The following CFAP54 variants were observed in gnomAD, a reference collection of about 807,000 sequenced individuals.
CFAP54 encodes cilia and flagella associated protein 54, also known as cilia- and flagella-associated protein 54.
CFAP54 carries 290 observed loss-of-function variants against 370.4 expected under a neutral mutation model. The ratio of observed to expected loss-of-function variants is 0.78; its 90% CI spans 0.71 to 0.86. CFAP54 has a LOEUF of 0.86. Ranked by LOEUF, CFAP54 falls within the 40% of genes least tolerant of loss-of-function variation. The pLI is 0.00. For missense variants in CFAP54, 3,399 were observed against 3,528.7 expected (o/e 0.96, Z 0.93); for synonymous variants, 1,206 against 1,236.5 (o/e 0.98, Z 0.52).
chr12:96,550,866 A>G (rs570137130), intron 15 of CFAP54, among the ~76,000 whole-genome samples: 68 of 152,338 alleles, frequency 4.5e-4, no homozygotes, highest in Non-Finnish European at 8.7e-4. Flanking sequence ...ACCACCATCC[A>G]GGGACAAGAG....
rs148684809 is a variant in CFAP54 at position 96,586,691 on chromosome 12, G to A, written c.3076-2736G>A. Among the ~76,000 whole-genome samples the A allele has an allele frequency of 2.3e-4, 35 of 152,312 alleles. No homozygotes were observed. The East Asian group carries it at 6.0e-3, about 26-fold the overall frequency. ...AAAAGGGACAGGTCAAAGAGCTAAG[G>A]TGTGAGTGGGTAGATGGGGAGCAGA... On this transcript the variant is annotated intron_variant, in intron 22 of 67. Coordinates refer to ENST00000524981, the MANE Select transcript of CFAP54 (RefSeq NM_001306084.2).
At chr12:96,730,673 A>G (rs997781769) in intron 50 of CFAP54, among the ~76,000 whole-genome samples, 4 of 152,198 alleles carry the variant, frequency 2.6e-5, no homozygotes, top group African/African-American at 9.6e-5. Flanking sequence ...TCAAATTGAA[A>G]TTTGGAAGAG....
chr12:96,680,573 C>T (rs1957258264), intron 40 of CFAP54, among the ~76,000 whole-genome samples: 1 of 152,110 alleles, frequency 6.6e-6, no homozygotes, highest in Non-Finnish European at 1.5e-5. Flanking sequence ...CTAATTTCCA[C>T]TGAAATGATC....
intron 33 of CFAP54, chr12:96,646,446 CAA>C (rs574491941): frequency 9.2e-5 from 14 of 152,264 alleles, no homozygotes; most frequent in African/African-American, 2.2e-4. Flanking sequence ...AGTCAGGAAA[CAA>C]GAGGTGCTGG....
chr12:96,596,114 A>G (rs573645970), intron 25 of CFAP54, among the ~76,000 whole-genome samples: 3 of 152,192 alleles, frequency 2.0e-5, no homozygotes, highest in Non-Finnish European at 2.9e-5. Context: ...CTTGAAATGC[A>G]TACTTTCATC....
intron 2 of CFAP54, chr12:96,501,185 AG>A: frequency 2.9e-6 from 1 of 341,834 alleles, no homozygotes; most frequent in Non-Finnish European, 5.4e-6. Flanking sequence ...GATGGGCAGG[AG>A]GGTGGCCGGG....
Position 96,515,108 on chromosome 12 carries a change from A to G in CFAP54, c.798+2064A>G, listed in dbSNP as rs7312056. 9.5e-3 allele frequency among the ~76,000 whole-genome samples: 1,437 copies of G among 151,714 alleles called. 12 individuals carry two copies. The highest frequency in any genetic ancestry group is 0.024 in the Middle Eastern group (7 of 294). On this transcript the variant is annotated intron_variant, in intron 5 of 67. Transcript: ENST00000524981. The stretch of plus-strand genomic sequence containing the variant: ...CTGCAAGCTCTGCCTCCTGGGTTCA[A>G]GTGATTCTCCTGCCACAGCCCCCTG...
At chr12:96,562,184 C>T (rs568460214) in intron 17 of CFAP54, among the ~76,000 whole-genome samples, 9 of 152,144 alleles carry the variant, frequency 5.9e-5, no homozygotes, top group South Asian at 4.2e-4. Flanking sequence ...CATTCTGGTT[C>T]GTAACAACAT....
intron 5 of CFAP54, among the ~76,000 whole-genome samples, chr12:96,515,505 C>T (rs1405945584): frequency 1.3e-5 from 2 of 152,154 alleles, no homozygotes. Flanking sequence ...GATTCCTGAG[C>T]TGAGGCTAAA....
chr12:96,531,472 C>T (rs373380416), intron 9 of CFAP54, among the ~76,000 whole-genome samples: 6 of 149,798 alleles, frequency 4.0e-5, no homozygotes, highest in East Asian at 4.2e-4. Context: ...AATTTCTTTC[C>T]TTATATTCAT....
intron 60 of CFAP54, among the ~76,000 whole-genome samples, chr12:96,774,149 T>TA (rs947492960): frequency 2.0e-5 from 3 of 151,654 alleles, no homozygotes; most frequent in Non-Finnish European, 2.9e-5. Flanking sequence ...CTTTCCCGAT[T>TA]AAAAAAAAAT....
chr12:96,605,341 G>A (rs887889422), intron 26 of CFAP54, among the ~76,000 whole-genome samples: 1 of 152,138 alleles, frequency 6.6e-6, no homozygotes, highest in South Asian at 2.1e-4. Context: ...GATTATAAGT[G>A]AAGAGTCAAT....
In CFAP54 at chr12:96,756,474, A is replaced by G. The variant is rs1164182182; in HGVS notation, c.7857A>G (p.Gln2619=). ...ILFQKGKIER[Q]ILMEEKSPSF... ...TTCTTTCAGGCAAAATAGAACGTCA[A>G]ATACTAATGGAAGAGAAATCTCCAA... The change falls in exon 57 of 68, where the codon CAA becomes CAG. Residue 2619 remains glutamine, a synonymous_variant. Coordinates refer to ENST00000524981, the MANE Select transcript of CFAP54 (RefSeq NM_001306084.2). 6.3e-7 allele frequency: 1 copy of G among 1,597,306 alleles called. No homozygotes were observed. Among genetic ancestry groups the G allele is most frequent in the Non-Finnish European group, 8.5e-7 (1 of 1,173,404 alleles).
intron 49 of CFAP54, among the ~76,000 whole-genome samples, chr12:96,718,929 T>G (rs986284123): frequency 1.3e-5 from 2 of 152,034 alleles, no homozygotes; most frequent in African/African-American, 2.4e-5. Context: ...TTCTAGCTAC[T>G]CAGGAGGCTG....
At position 96,697,391 on chromosome 12, in the gene CFAP54, C is replaced by T. The variant is rs940397056; in HGVS notation, c.6352-2580C>T. Among the ~76,000 whole-genome samples the T allele has an allele frequency of 2.0e-5, 3 of 152,108 alleles. No homozygotes were observed. The East Asian group carries it at 5.8e-4, about 29-fold the overall frequency. On this transcript the variant is annotated intron_variant, in intron 45 of 67. Coordinates refer to ENST00000524981, the MANE Select transcript of CFAP54 (RefSeq NM_001306084.2). ...AAACCTGAAAGAGTTTATGTGTCTC[C>T]CCTGAACCTCCTTTGATATTATATG... is the stretch of plus-strand genomic sequence containing the variant.
At chr12:96,826,748 A>C (rs1215335000) in intron 65 of CFAP54, among the ~76,000 whole-genome samples, 2 of 112,536 alleles carry the variant, frequency 1.8e-5, no homozygotes, top group Non-Finnish European at 3.3e-5. Flanking sequence ...TATAATTCTT[A>C]TATAATACAT....
At chr12:96,616,317 A>T (rs1487583265) in intron 26 of CFAP54, among the ~76,000 whole-genome samples, 1 of 151,310 alleles carries the variant, frequency 6.6e-6, no homozygotes, top group Non-Finnish European at 1.5e-5. Flanking sequence ...AACAATGAGA[A>T]CACTTGGACA....
At chr12:96,776,790 T>A (rs1205161987) in intron 60 of CFAP54, among the ~76,000 whole-genome samples, 1 of 152,232 alleles carries the variant, frequency 6.6e-6, no homozygotes, top group Non-Finnish European at 1.5e-5. Context: ...CTTTTACCCA[T>A]GCATGATTTT....
intron 48 of CFAP54, among the ~76,000 whole-genome samples, chr12:96,711,779 C>T (rs1023915536): frequency 3.3e-5 from 5 of 152,182 alleles, no homozygotes; most frequent in Non-Finnish European, 5.9e-5. Flanking sequence ...GAGCTCTTCA[C>T]ATTGGGATGC....
Sources: allele counts gnomAD v4.1 joint callset (sites outside exome capture counted in the v4.1 genomes callset), GRCh38; gene constraint gnomAD v4.1.1; transcripts MANE v1.5; gene names NCBI Gene and HGNC (gene_info 2026-07-23, HGNC 2026-07-21).